The following DAPK2 variants were observed in gnomAD, a reference collection of about 807,000 sequenced individuals.
The protein encoded by DAPK2 is death-associated protein kinase 2.
DAPK2 carries 35 observed loss-of-function variants against 44.1 expected under a neutral mutation model. That is an observed-to-expected ratio of 0.79 (90% CI 0.61 to 1.05). DAPK2 has a LOEUF of 1.05. Among genes scored for constraint, DAPK2 ranks in the 50% least tolerant of loss-of-function variants. The probability of loss-of-function intolerance (pLI) is 0.00; values close to 1 mark genes in which losing one functional copy is unlikely to be tolerated. For missense variants in DAPK2, 453 were observed against 483.2 expected, an observed-to-expected ratio of 0.94 and a Z score of 0.59; for synonymous variants, 174 against 182.6, an observed-to-expected ratio of 0.95 and a Z score of 0.38.
chr15:63,944,999 C>A (rs937352943), intron 3 of DAPK2, among the ~76,000 whole-genome samples: 5 of 152,126 alleles, frequency 3.3e-5, no homozygotes, highest in African/African-American at 1.2e-4. Flanking sequence ...GAGCCTCTTC[C>A]CCCTCAACCC....
intron 2 of DAPK2, among the ~76,000 whole-genome samples, chr15:63,975,477 G>A (rs1336927869): frequency 2.0e-5 from 3 of 152,056 alleles, no homozygotes; most frequent in African/African-American, 7.3e-5. Flanking sequence ...AAGAAACAAA[G>A]GCTCAGAGAG....
At chr15:63,911,228 A>C (rs75236160) in intron 10 of DAPK2, 8 of 57,480 alleles carry the variant, frequency 1.4e-4, no homozygotes, top group Non-Finnish European at 3.3e-4. Context: ...TAAACAAACA[A>C]AAAAAAAAAA....
chr15:64,022,459 C>T (rs2079712000), intron 1 of DAPK2, among the ~76,000 whole-genome samples: 1 of 152,162 alleles, frequency 6.6e-6, no homozygotes, highest in Non-Finnish European at 1.5e-5. Flanking sequence ...TAGACAAGTT[C>T]CCTTGTGCAT....
chr15:63,925,992 G>A (rs766858663), exon 7 of DAPK2: 14 of 1,614,052 alleles, frequency 8.7e-6, no homozygotes, highest in East Asian at 4.5e-5. Flanking sequence ...CAGCTCGCTC[G>A]TCTGGCTGAA....
At chr15:63,995,295 G>T (rs1001951556) in intron 1 of DAPK2, among the ~76,000 whole-genome samples, 1 of 151,984 alleles carries the variant, frequency 6.6e-6, no homozygotes, top group African/African-American at 2.4e-5. Context: ...GACTATAGGC[G>T]CCCACCACCA....
At chr15:63,942,789 C>T (rs2077344688) in intron 3 of DAPK2, among the ~76,000 whole-genome samples, 1 of 151,978 alleles carries the variant, frequency 6.6e-6, no homozygotes, top group Non-Finnish European at 1.5e-5. Context: ...AGAAGGCCTT[C>T]TCTGCTCTCT....
At chr15:64,014,311 C>A (rs1482743784) in intron 1 of DAPK2, among the ~76,000 whole-genome samples, 1 of 152,230 alleles carries the variant, frequency 6.6e-6, no homozygotes, top group Non-Finnish European at 1.5e-5. Context: ...CAGACATGAG[C>A]CTTCAGAGAC....
chr15:64,024,369 G>A (rs540210553), intron 1 of DAPK2, among the ~76,000 whole-genome samples: 47 of 152,288 alleles, frequency 3.1e-4, no homozygotes, highest in African/African-American at 1.1e-3. Flanking sequence ...GCCCTGGGGA[G>A]GCTCAGAAAG....
chr15:63,961,709 C>G (rs1445023890), intron 3 of DAPK2, among the ~76,000 whole-genome samples: 1 of 152,228 alleles, frequency 6.6e-6, no homozygotes, highest in Non-Finnish European at 1.5e-5. Context: ...GCCGAGAGAT[C>G]TGCTGTTAGT....
intron 4 of DAPK2, among the ~76,000 whole-genome samples, chr15:63,931,729 T>C (rs149288633): frequency 6.6e-6 from 1 of 152,080 alleles, no homozygotes; most frequent in Non-Finnish European, 1.5e-5. Flanking sequence ...GAGCCAACGA[T>C]GTGATGAGCA....
chr15:63,947,758 C>CT (rs1311718213), intron 3 of DAPK2, among the ~76,000 whole-genome samples: 1 of 152,194 alleles, frequency 6.6e-6, no homozygotes, highest in Non-Finnish European at 1.5e-5. Context: ...GAATGAGAAT[C>CT]TTTATCATCT....
At chr15:64,016,707 C>A (rs540036489) in intron 1 of DAPK2, among the ~76,000 whole-genome samples, 2 of 151,918 alleles carry the variant, frequency 1.3e-5, no homozygotes, top group South Asian at 2.1e-4. Flanking sequence ...GTGGGAAGAT[C>A]GCTTGAGCCC....
At chr15:64,006,184 C>T (rs936991412) in intron 1 of DAPK2, among the ~76,000 whole-genome samples, 1 of 152,152 alleles carries the variant, frequency 6.6e-6, no homozygotes, top group Admixed American at 6.5e-5. Flanking sequence ...GGTCTCCGCT[C>T]ACCACACTGG....
At chr15:63,949,904 G>A (rs1365618879) in intron 3 of DAPK2, among the ~76,000 whole-genome samples, 1 of 152,198 alleles carries the variant, frequency 6.6e-6, no homozygotes. Context: ...GTTTAATGAT[G>A]TCTATTGTAT....
upstream of DAPK2, among the ~76,000 whole-genome samples, chr15:64,040,883 C>T (rs553830788): frequency 5.2e-5 from 7 of 134,650 alleles, no homozygotes; most frequent in East Asian, 8.5e-4. Flanking sequence ...CACTGCACTC[C>T]AGCCTGGGCA....
At chr15:64,041,839 G>A (rs1416198933), upstream of DAPK2, among the ~76,000 whole-genome samples, 4 of 152,144 alleles carry the variant, frequency 2.6e-5, no homozygotes, top group East Asian at 3.8e-4. Flanking sequence ...CCAAGATGCC[G>A]CCTGCCTCTC....
At chr15:63,932,191 C>T (rs1239384743) in intron 4 of DAPK2, among the ~76,000 whole-genome samples, 1 of 138,764 alleles carries the variant, frequency 7.2e-6, no homozygotes, top group Non-Finnish European at 1.5e-5. Context: ...AAAGGCTGGG[C>T]ACAGTGGCTT....
At chr15:63,968,832 A>G (rs1263443583) in intron 3 of DAPK2, among the ~76,000 whole-genome samples, 2 of 152,194 alleles carry the variant, frequency 1.3e-5, no homozygotes, top group Non-Finnish European at 2.9e-5. Flanking sequence ...TGCTGCAGTC[A>G]TTGGTGCCTG....
intron 2 of DAPK2, among the ~76,000 whole-genome samples, chr15:63,972,439 A>C (rs2078238433): frequency 6.6e-6 from 1 of 152,226 alleles, no homozygotes; most frequent in East Asian, 1.9e-4. Context: ...CAATCTTCTT[A>C]GAGAATACCT....
Sources: gnomAD v4.1 joint callset for allele counts (sites outside exome capture counted in the v4.1 genomes callset) on GRCh38, gnomAD v4.1.1 for gene constraint, MANE v1.5 for transcripts, NCBI Gene and HGNC (gene_info 2026-07-23, HGNC 2026-07-21) for gene names.